The following SOX6 variants were observed in gnomAD, a reference collection of about 807,000 sequenced individuals.
SOX6 encodes the protein transcription factor SOX-6.
In SOX6, 11 loss-of-function variants were observed where a neutral mutation model predicts 97.8. That is an observed-to-expected ratio of 0.11 (90% CI 0.07 to 0.19). SOX6 has a LOEUF of 0.19. SOX6 is among the 10% of genes least tolerant of loss of function. The probability of loss-of-function intolerance (pLI) is 1.00; values close to 1 mark genes in which losing one functional copy is unlikely to be tolerated. For synonymous variants in SOX6, 360 were observed against 371.4 expected, an observed-to-expected ratio of 0.97 and a Z score of 0.35; for missense variants, 810 against 1,039.5, an observed-to-expected ratio of 0.78 and a Z score of 3.04.
chr11:15,978,984 A>G (rs1280262099), intron 15 of SOX6, among the ~76,000 whole-genome samples: 2 of 114,972 alleles, frequency 1.7e-5, no homozygotes, highest in Non-Finnish European at 4.0e-5. Context: ...GAGCATATAT[A>G]TAAGCATATA....
chr11:16,718,125 A>G (rs1254881583), intron 2 of SOX6, among the ~76,000 whole-genome samples: 1 of 151,924 alleles, frequency 6.6e-6, no homozygotes, highest in Non-Finnish European at 1.5e-5. Context: ...AACAGCTAAG[A>G]TAGGACTGCT....
intron 3 of SOX6, among the ~76,000 whole-genome samples, chr11:16,646,532 G>A (rs1218747153): frequency 2.2e-4 from 34 of 151,206 alleles, no homozygotes; most frequent in Non-Finnish European, 1.6e-4. Flanking sequence ...ACTTGAGTAA[G>A]TTCTTTAATG....
intron 1 of SOX6, among the ~76,000 whole-genome samples, chr11:16,362,670 T>C (rs1409448928): frequency 1.3e-5 from 2 of 151,926 alleles, no homozygotes; most frequent in Non-Finnish European, 1.5e-5. Flanking sequence ...GGAAGAAACA[T>C]GAAAAAGCAG....
intron 2 of SOX6, among the ~76,000 whole-genome samples, chr11:16,720,973 A>G (rs1848256722): frequency 1.3e-5 from 2 of 152,290 alleles, no homozygotes; most frequent in South Asian, 4.1e-4. Flanking sequence ...CAAAGGGACT[A>G]TACTGAGGAG....
chr11:16,195,738 T>C (rs909713265), intron 4 of SOX6, among the ~76,000 whole-genome samples: 1 of 152,206 alleles, frequency 6.6e-6, no homozygotes, highest in Admixed American at 6.5e-5. Flanking sequence ...AATACAGTAA[T>C]TATGCAGACT....
At chr11:16,524,464 T>C (rs1861123230) in intron 4 of SOX6, among the ~76,000 whole-genome samples, 3 of 152,108 alleles carry the variant, frequency 2.0e-5, no homozygotes, top group Non-Finnish European at 4.4e-5. Context: ...ATAAATTAGG[T>C]ATTGATGGGA....
chr11:16,714,798 C>T (rs185721902), intron 3 of SOX6: 4 of 151,994 alleles, frequency 2.6e-5, no homozygotes, highest in Admixed American at 2.6e-4. Flanking sequence ...AGATGTGTCT[C>T]TTGCTGCTCC....
chr11:16,255,429 T>G (rs1490798375), intron 3 of SOX6, among the ~76,000 whole-genome samples: 1 of 152,050 alleles, frequency 6.6e-6, no homozygotes, highest in East Asian at 1.9e-4. Context: ...GGTTTTAAAC[T>G]AGAAATCGGT....
At chr11:16,511,504 TTTTG>T (rs1409053397) in intron 4 of SOX6, among the ~76,000 whole-genome samples, 1 of 152,182 alleles carries the variant, frequency 6.6e-6, no homozygotes, top group African/African-American at 2.4e-5. Flanking sequence ...GCTTTACCTG[TTTTG>T]TTTTTGTTTT....
At position 16,665,395 on chromosome 11, in the gene SOX6, G is replaced by A. The variant is rs183471416; in HGVS notation, n.429+49435C>T. 2.5e-4 allele frequency among the ~76,000 whole-genome samples: 38 copies of A among 152,268 alleles called. No individual in the cohort carries two copies. The East Asian group carries it at 5.6e-3, about 23-fold the overall frequency. On this transcript the variant is annotated intron_variant and non_coding_transcript_variant, in intron 3 of 5. Transcript: ENST00000524520. Reference sequence around the variant, plus strand: ...CCTTGGGCCTTGAATGAACATTTGTGGTAGCAAGGCAATATGTGCCACAGG... The same window carrying A: ...CCTTGGGCCTTGAATGAACATTTGTAGTAGCAAGGCAATATGTGCCACAGG...
At chr11:16,539,869 C>G (rs1263637847) in intron 4 of SOX6, among the ~76,000 whole-genome samples, 4 of 152,174 alleles carry the variant, frequency 2.6e-5, no homozygotes, top group African/African-American at 7.2e-5. Flanking sequence ...AACGGACTCA[C>G]AGCCAAATTC....
intron 4 of SOX6, among the ~76,000 whole-genome samples, chr11:16,606,722 T>G (rs922257889): frequency 1.4e-4 from 21 of 152,344 alleles, no homozygotes; most frequent in Admixed American, 1.2e-3. Context: ...AGCTTTCTGT[T>G]GTCAAAGGTT....
intron 4 of SOX6, among the ~76,000 whole-genome samples, chr11:16,534,940 A>G (rs1590236227): frequency 6.6e-6 from 1 of 152,224 alleles, no homozygotes. Context: ...ATTGCTGAAG[A>G]GGGAAAGATT....
At chr11:16,184,023 C>T in intron 5 of SOX6, 69 bp from the exon 6 acceptor site, 1 of 1,333,450 alleles carries the variant, frequency 7.5e-7, no homozygotes, top group Non-Finnish European at 1.1e-6. Context: ...TCAGGTATTT[C>T]TCCTGGTATT....
chr11:16,410,554 C>T (rs1342288584), intron 1 of SOX6, among the ~76,000 whole-genome samples: 1 of 151,970 alleles, frequency 6.6e-6, no homozygotes, highest in Non-Finnish European at 1.5e-5. Context: ...CCCAGGAGTT[C>T]GACACTAGCC....
At chr11:16,292,128 C>T (rs1196078607) in intron 3 of SOX6, among the ~76,000 whole-genome samples, 1 of 151,910 alleles carries the variant, frequency 6.6e-6, no homozygotes, top group Non-Finnish European at 1.5e-5. Context: ...ATTAGTGAAA[C>T]CATAGCTCAG....
intron 2 of SOX6, among the ~76,000 whole-genome samples, chr11:16,734,010 G>A (rs1409947279): frequency 2.1e-5 from 3 of 142,126 alleles, no homozygotes; most frequent in Non-Finnish European, 4.5e-5. Context: ...CTGGGTGACA[G>A]AGCGAGACTT....
At chr11:16,678,398 T>C (rs1564866826) in intron 3 of SOX6, among the ~76,000 whole-genome samples, 1 of 152,356 alleles carries the variant, frequency 6.6e-6, no homozygotes, top group East Asian at 1.9e-4. Context: ...TAAAATCTAT[T>C]TATTTAGAAG....
chr11:16,539,358 G>T (rs1175995212), intron 4 of SOX6, among the ~76,000 whole-genome samples: 2 of 152,138 alleles, frequency 1.3e-5, no homozygotes, highest in Admixed American at 1.3e-4. Context: ...ATGCCCACAA[G>T]AGAAAGCAGG....
Sources: allele counts gnomAD v4.1 joint callset (sites outside exome capture counted in the v4.1 genomes callset), GRCh38; gene constraint gnomAD v4.1.1; transcripts MANE v1.5; gene names NCBI Gene and HGNC (gene_info 2026-07-23, HGNC 2026-07-21).